TMEM40: variants seen among roughly 807,000 people sequenced by gnomAD.
TMEM40 encodes the protein transmembrane protein 40.
In TMEM40, 34 loss-of-function variants were observed where a neutral mutation model predicts 40.8. The ratio of observed to expected loss-of-function variants is 0.83; its 90% CI spans 0.63 to 1.11. The LOEUF (loss-of-function observed/expected upper bound fraction) is 1.11, where lower values mean the gene tolerates loss of function less well. Among genes scored for constraint, TMEM40 ranks in the 50% least tolerant of loss-of-function variants. The pLI, the probability that TMEM40 is intolerant of heterozygous loss-of-function variation, is 0.00. For missense variants in TMEM40, 296 were observed against 280.2 expected (o/e 1.06, Z -0.40); for synonymous variants, 106 against 107.0 (o/e 0.99, Z 0.06).
intron 1 of TMEM40, among the ~76,000 whole-genome samples, chr3:12,755,225 C>T (rs55679496): frequency 0.11 from 8,696 of 78,088 alleles, 566 homozygotes; most frequent in African/African-American, 0.29. Context: ...CTCTCTCTCT[C>T]TCTCTCTCTC....
At chr3:12,762,198 G>A (rs2061571876), upstream of TMEM40, among the ~76,000 whole-genome samples, 1 of 152,120 alleles carries the variant, frequency 6.6e-6, no homozygotes, top group African/African-American at 2.4e-5. Context: ...TTGAACTCCT[G>A]GGCTCAAGTG....
Position 12,748,693 on chromosome 3 carries a change from G to T in TMEM40, c.173C>A (p.Ser58Tyr), listed in dbSNP as rs111630194. 6.2e-7 allele frequency: 1 copy of T among 1,613,190 alleles called. No individual in the cohort carries two copies. The highest frequency in any genetic ancestry group is 1.7e-5 in the Admixed American group (1 of 59,996). Residue 58 changes from serine (S) to tyrosine (Y), a missense_variant, in exon 3 of 12, where the codon TCC becomes TAC. Transcript: ENST00000314124. ...GGATGAAGAAGATGAGGAGGATGAG[G>T]AGGAAGAGGAGGAGGAGGAAGAAGA... The part of the protein sequence containing the change: ...NKSSSSSSSS[S>Y]SSSSSSSSSS...
In TMEM40 at chr3:12,766,378, G is replaced by A. The variant is rs191931277; in HGVS notation, c.-9+2873C>T. On this transcript the variant is annotated intron_variant, in intron 1 of 11. Transcript: ENST00000264728. ...TGGGAGGCCGAGGAGGGCGGATCAC[G>A]AGGTCAGGAGATCGAGACCATCCTG... Among the ~76,000 whole-genome samples, 892 of 152,096 alleles carry A rather than the reference G, an allele frequency of 5.9e-3. 5 individuals are homozygous for A. Among genetic ancestry groups the A allele is most frequent in the African/African-American group, 0.02 (823 of 41,506 alleles).
At chr3:12,746,568 G>T (rs1413631700) in intron 3 of TMEM40, among the ~76,000 whole-genome samples, 1 of 152,212 alleles carries the variant, frequency 6.6e-6, no homozygotes, top group Non-Finnish European at 1.5e-5. Context: ...GGACGGCAGG[G>T]CTGCGGTGAG....
chr3:12,746,086 C>T (rs758041536), intron 3 of TMEM40, among the ~76,000 whole-genome samples: 2 of 151,564 alleles, frequency 1.3e-5, no homozygotes, highest in Non-Finnish European at 2.9e-5. Context: ...TTATTAGAGA[C>T]GAGGTTTCAC....
At chr3:12,767,180 A>G (rs1229244178) in intron 1 of TMEM40, among the ~76,000 whole-genome samples, 1 of 152,152 alleles carries the variant, frequency 6.6e-6, no homozygotes, top group African/African-American at 2.4e-5. Flanking sequence ...ACAATGATTT[A>G]GTGGTAAAAG....
chr3:12,765,207 C>T (rs980395296), intron 1 of TMEM40, among the ~76,000 whole-genome samples: 1 of 152,186 alleles, frequency 6.6e-6, no homozygotes, highest in Non-Finnish European at 1.5e-5. Flanking sequence ...AAAAGTCAAT[C>T]CTAGCTCATT....
At chr3:12,755,760 C>T (rs2061522555) in intron 1 of TMEM40, among the ~76,000 whole-genome samples, 1 of 152,138 alleles carries the variant, frequency 6.6e-6, no homozygotes. Flanking sequence ...AGTGGGGAGC[C>T]CCACAAGGCA....
intron 3 of TMEM40, among the ~76,000 whole-genome samples, chr3:12,746,845 C>T (rs551649987): frequency 7.2e-5 from 11 of 152,226 alleles, no homozygotes; most frequent in African/African-American, 2.4e-4. Flanking sequence ...GGGACATTTT[C>T]GGAGGAGCAG....
chr3:12,760,320 G>T (rs1435280804), upstream of TMEM40, among the ~76,000 whole-genome samples: 1 of 152,060 alleles, frequency 6.6e-6, no homozygotes, highest in African/African-American at 2.4e-5. Flanking sequence ...CTGCACTCAG[G>T]GTAAAACCCA....
rs762820198 is a variant in TMEM40, at chr3:12,748,707, G to A, written c.159C>T (p.Ser53=). 1.2e-6 allele frequency: 2 copies of A among 1,613,980 alleles called. No individual in the cohort carries two copies. The highest frequency in any genetic ancestry group is 2.2e-5 in the South Asian group (2 of 91,072). The change falls in exon 3 of 12, where the codon TCC becomes TCT. Residue 53 remains serine (S), a synonymous_variant. Transcript: ENST00000314124. ...AGGAGGATGAGGAGGAAGAGGAGGA[G>A]GAGGAAGAAGACTTGTTTCTCTCAT... is the stretch of plus-strand genomic sequence containing the variant. ...EQYERNKSSS[S]SSSSSSSSSS... is the part of the protein sequence containing the mutation.
chr3:12,750,317 C>G (rs1439301584), intron 1 of TMEM40, among the ~76,000 whole-genome samples: 1 of 151,958 alleles, frequency 6.6e-6, no homozygotes, highest in Non-Finnish European at 1.5e-5. Context: ...GTTGGTGAAC[C>G]AACTCCAATC....
rs116719437 is a variant in TMEM40 at position 12,748,481 on chromosome 3, G to A, written c.211+174C>T. On this transcript the variant is annotated intron_variant, in intron 3 of 11. Transcript: ENST00000314124. ...AAATGGAGGACAAAATTGCCTATAC[G>A]ATCAATGATAACTGTGTACGTAGAA... Among the ~76,000 whole-genome samples, 555 of 152,282 alleles carry A rather than the reference G, an allele frequency of 3.6e-3. 4 individuals carry two copies. Among genetic ancestry groups the A allele is most frequent in the African/African-American group, 0.012 (516 of 41,544 alleles).
intron 1 of TMEM40, among the ~76,000 whole-genome samples, chr3:12,755,831 T>C (rs2061523197): frequency 6.6e-6 from 1 of 152,166 alleles, no homozygotes; most frequent in Non-Finnish European, 1.5e-5. Context: ...CCATATATTG[T>C]GGCGTGCAGG....
chr3:12,744,796 AT>A (rs756559552), intron 3 of TMEM40, among the ~76,000 whole-genome samples: 59 of 152,314 alleles, frequency 3.9e-4, no homozygotes, highest in Non-Finnish European at 5.3e-4. Context: ...TCATGGGTCA[AT>A]TTAAAAAATT....
chr3:12,745,678 G>A (rs1214305328), intron 3 of TMEM40, among the ~76,000 whole-genome samples: 1 of 151,800 alleles, frequency 6.6e-6, no homozygotes, highest in Non-Finnish European at 1.5e-5. Flanking sequence ...CGAACTCCTG[G>A]ACTCAAGTGA....
chr3:12,768,175 G>A (rs1313330552), intron 1 of TMEM40, among the ~76,000 whole-genome samples: 3 of 152,166 alleles, frequency 2.0e-5, no homozygotes, highest in East Asian at 1.9e-4. Context: ...TTAAGGCGAC[G>A]CGTCTGGAGT....
chr3:12,753,629 C>G lies in TMEM40; in HGVS notation c.-8-3789G>C, dbSNP rs368634470. Among the ~76,000 whole-genome samples, 20 of 152,206 alleles carry G rather than the reference C, an allele frequency of 1.3e-4. 2 individuals are homozygous for G. The highest frequency in any genetic ancestry group is 2.6e-4 in the Admixed American group (4 of 15,280). ...AGATGGACTCAAATCTGACCCCTAC[C>G]CCAACAGAGAAGCTTCATGCCCCAG... On this transcript the variant is annotated intron_variant, in intron 1 of 11. Transcript: ENST00000314124.
chr3:12,745,104 G>T (rs2061416836), intron 3 of TMEM40, among the ~76,000 whole-genome samples: 1 of 152,048 alleles, frequency 6.6e-6, no homozygotes, highest in Non-Finnish European at 1.5e-5. Flanking sequence ...TTGTTGCCCA[G>T]GCTGAAGTGC....
Sources: allele counts gnomAD v4.1 joint callset (sites outside exome capture counted in the v4.1 genomes callset), GRCh38; gene constraint gnomAD v4.1.1; transcripts MANE v1.5; gene names NCBI Gene and HGNC (gene_info 2026-07-23, HGNC 2026-07-21).